The following SOX4 variants were observed in gnomAD, a reference collection of about 807,000 sequenced individuals.
The protein encoded by SOX4 is SRY-box transcription factor 4.
For missense variants in SOX4, 662 were observed against 694.9 expected, an observed-to-expected ratio of 0.95 and a Z score of 0.53; for synonymous variants, 465 against 348.4, an observed-to-expected ratio of 1.33 and a Z score of -3.73.
Position 21,598,589 on chromosome 6 carries a change from GAAAT to G in SOX4, c.*2634_*2637del, listed in dbSNP as rs1763221699. The G allele has an allele frequency of 1.2e-5, 2 of 166,610 alleles. No homozygotes were observed. Among genetic ancestry groups the G allele is most frequent in the Non-Finnish European group, 2.9e-5 (2 of 68,094 alleles). 10.3% of individuals were successfully genotyped at this position (166,610 alleles called of 1,614,324 possible). On this transcript the variant is annotated 3_prime_UTR_variant, in exon 1 of 1. Transcript: ENST00000244745. ...TCTGTAAATAACTTTTTTTGAGAAG[GAAAT>G]AAAATCAGCTGGAACTGAACCCTAA...
chr6:21,595,724 C>T lies in SOX4; in HGVS notation c.1190C>T (p.Ser397Phe). The change falls in exon 1 of 1, where the codon TCC becomes TTC. Residue 397 changes from serine to phenylalanine, a missense_variant. Ser to Phe is a radical substitution (Grantham distance 155). Coordinates refer to ENST00000244745, the MANE Select transcript of SOX4 (RefSeq NM_003107.3). ...SSSSSSGSSS[S>F]DDEFEDDLLD... ...TCCTCCTCCTCGGGCTCCTCGTCCTCCGACGACGAGTTCGAAGACGACCTG... is the reference window on the plus strand; with the variant it reads ...TCCTCCTCCTCGGGCTCCTCGTCCTTCGACGACGAGTTCGAAGACGACCTG... 6.2e-7 allele frequency: 1 copy of T among 1,610,900 alleles called. No individual in the cohort carries two copies. Among genetic ancestry groups the T allele is most frequent in the Non-Finnish European group, 8.5e-7 (1 of 1,178,998 alleles).
In SOX4 at chr6:21,595,482, C is replaced by T. The variant is rs1481876508; in HGVS notation, c.948C>T (p.Ala316=). 1 of 1,426,130 alleles carries T rather than the reference C, an allele frequency of 7.0e-7. No homozygotes were observed. Among genetic ancestry groups the T allele is most frequent in the African/African-American group, 1.5e-5 (1 of 67,882 alleles). The allele number at this position is 1,426,130 out of a possible 1,614,324, so 88.3% of individuals were successfully genotyped here. ...SSPVGGVGAG[A]DPSDPLGLYE... ...CCGTGGGCGGCGTGGGCGCGGGAGC[C>T]GACCCCAGCGACCCCCTGGGCCTGT... Residue 316 remains alanine (A), a synonymous_variant, in exon 1 of 1, where the codon GCC becomes GCT. Transcript: ENST00000244745.
At position 21,597,641 on chromosome 6, in the gene SOX4, T is replaced by C. The variant is rs1213040851; in HGVS notation, c.*1682T>C. The C allele has an allele frequency of 6.2e-6, 1 of 162,232 alleles. No individual in the cohort carries two copies. The highest frequency in any genetic ancestry group is 1.5e-5 in the Non-Finnish European group (1 of 65,120). The allele number at this position is 162,232 out of a possible 1,614,324, so 10.0% of individuals were successfully genotyped here. A position where few individuals can be genotyped will look rare whatever the true frequency, so the allele number is the denominator to read the frequency against. On this transcript the variant is annotated 3_prime_UTR_variant, in exon 1 of 1. Transcript: ENST00000244745. ...ATTTAAATGTAGACTTTTGACACTT[T>C]TAAAAAACAAAAAAAGACAAGAGAG... is the stretch of plus-strand genomic sequence containing the variant.
Position 21,594,495 on chromosome 6 carries a change from G to A in SOX4, c.-40G>A. On this transcript the variant is annotated 5_prime_UTR_variant, in exon 1 of 1. Coordinates refer to ENST00000244745, the MANE Select transcript of SOX4 (RefSeq NM_003107.3). Reference sequence around the variant, plus strand: ...CCGGCGATCGCGCGGCGGCCGCCGCGAGGGTGTGAGCGCGCGTGGGCGCCC... The same window carrying A: ...CCGGCGATCGCGCGGCGGCCGCCGCAAGGGTGTGAGCGCGCGTGGGCGCCC... 5.0e-6 allele frequency: 7 copies of A among 1,393,026 alleles called. No individual in the cohort carries two copies. The highest frequency in any genetic ancestry group is 4.6e-6 in the Non-Finnish European group (5 of 1,082,928). The allele number at this position is 1,393,026 out of a possible 1,614,324, so 86.3% of individuals were successfully genotyped here. A position where few individuals can be genotyped will look rare whatever the true frequency, so the allele number is the denominator to read the frequency against.
In SOX4 at chr6:21,598,112, G is replaced by A. The variant is rs1763210634; in HGVS notation, c.*2153G>A. 6.0e-6 allele frequency: 1 copy of A among 166,702 alleles called. No homozygotes were observed. The highest frequency in any genetic ancestry group is 2.4e-5 in the African/African-American group (1 of 41,400). 10.3% of individuals were successfully genotyped at this position (166,702 alleles called of 1,614,324 possible). On this transcript the variant is annotated 3_prime_UTR_variant, in exon 1 of 1. Coordinates refer to ENST00000244745, the MANE Select transcript of SOX4 (RefSeq NM_003107.3). ...TTTAAACCACTGGATCTATCTAAAT[G>A]CCGATTTGAGTTCGCGACACTATGT...
chr6:21,595,282 C>G lies in SOX4; in HGVS notation c.748C>G (p.Leu250Val), dbSNP rs1253090043. The G allele has an allele frequency of 7.1e-7, 1 of 1,406,454 alleles. No homozygotes were observed. The highest frequency in any genetic ancestry group is 1.5e-5 in the South Asian group (1 of 68,944). 87.1% of individuals were successfully genotyped at this position (1,406,454 alleles called of 1,614,324 possible). The stretch of plus-strand genomic sequence containing the variant: ...GGCGGGGGCCGCCGCCCTGCTGCCC[C>G]TGGGCGCCGCCGCCGACCACCACTC... ...EQAGAAALLP[L>V]GAAADHHSLY... Residue 250 changes from leucine (L) to valine (V), a missense_variant, in exon 1 of 1, where the codon CTG becomes GTG. Coordinates refer to ENST00000244745, the MANE Select transcript of SOX4 (RefSeq NM_003107.3).
rs753093855 is a variant in SOX4, at chr6:21,594,664, G to T, written c.130G>T (p.Gly44Cys). 1.2e-6 allele frequency: 2 copies of T among 1,601,272 alleles called. No individual in the cohort carries two copies. The highest frequency in any genetic ancestry group is 1.7e-6 in the Non-Finnish European group (2 of 1,174,672). Reference sequence around the variant, plus strand: ...GCCCGGCTCCACCGCCTCCACGGGCGGCAAGGCCGACGACCCGAGCTGGTG... The same window carrying T: ...GCCCGGCTCCACCGCCTCCACGGGCTGCAAGGCCGACGACCCGAGCTGGTG... ...PTPGSTASTG[G>C]KADDPSWCKT... is the part of the protein sequence containing the mutation. Residue 44 changes from glycine (G) to cysteine (C), a missense_variant, in exon 1 of 1, where the codon GGC becomes TGC. Physicochemically the swap from Gly to Cys is radical, Grantham distance 159. Transcript: ENST00000244745.
At position 21,594,575 on chromosome 6, in the gene SOX4, T is replaced by A; in HGVS notation, c.41T>A (p.Leu14Gln). The A allele has an allele frequency of 6.2e-7, 1 of 1,608,734 alleles. No individual in the cohort carries two copies. The highest frequency in any genetic ancestry group is 8.5e-7 in the Non-Finnish European group (1 of 1,178,710). ...AACAATGCCGAGAACACGGAAGCGC[T>A]GCTGGCCGGCGAGAGCTCGGACTCG... The part of the protein sequence containing the change: ...QTNNAENTEA[L>Q]LAGESSDSGA... The change falls in exon 1 of 1, where the codon CTG becomes CAG. Residue 14 changes from leucine to glutamine, a missense_variant. Coordinates refer to ENST00000244745, the MANE Select transcript of SOX4 (RefSeq NM_003107.3).
Position 21,594,729 on chromosome 6 carries a change from C to G in SOX4, c.195C>G (p.Ala65=), listed in dbSNP as rs144047729. Residue 65 remains alanine, a synonymous_variant, in exon 1 of 1, where the codon GCC becomes GCG. Coordinates refer to ENST00000244745, the MANE Select transcript of SOX4 (RefSeq NM_003107.3). Reference sequence around the variant, plus strand: ...GGCACATCAAGCGACCCATGAACGCCTTCATGGTGTGGTCGCAGATCGAGC... The same window carrying G: ...GGCACATCAAGCGACCCATGAACGCGTTCATGGTGTGGTCGCAGATCGAGC... ...PSGHIKRPMN[A]FMVWSQIERR... The G allele has an allele frequency of 5.6e-6, 9 of 1,595,786 alleles. No individual in the cohort carries two copies. The Admixed American group carries it at 1.6e-4, about 28-fold the overall frequency.
At position 21,594,273 on chromosome 6, in the gene SOX4, G is replaced by C. The variant is rs897872228; in HGVS notation, c.-262G>C. The C allele has an allele frequency of 2.7e-6, 1 of 369,318 alleles. No homozygotes were observed. The highest frequency in any genetic ancestry group is 4.7e-6 in the Non-Finnish European group (1 of 210,948). 22.9% of individuals were successfully genotyped at this position (369,318 alleles called of 1,614,324 possible). On this transcript the variant is annotated 5_prime_UTR_variant, in exon 1 of 1. Transcript: ENST00000244745. ...GCAAACTGCAGCGCGGTGAGAGAGC[G>C]AGAGAGAGGGAGAGAGAGACTCTCC...
rs1317151191 is a variant in SOX4 at position 21,597,434 on chromosome 6, T to C, written c.*1475T>C. On this transcript the variant is annotated 3_prime_UTR_variant, in exon 1 of 1. Transcript: ENST00000244745. The stretch of plus-strand genomic sequence containing the variant: ...GACGTATTTATACTGGCCAAACATA[T>C]TTTTTCTTTTGTCCCTTTTTTTCTT... 6 of 166,090 alleles carry C rather than the reference T, an allele frequency of 3.6e-5. No individual in the cohort carries two copies. The highest frequency in any genetic ancestry group is 1.4e-4 in the African/African-American group (6 of 41,416). The allele number at this position is 166,090 out of a possible 1,614,324, so 10.3% of individuals were successfully genotyped here.
rs1333512112 is a variant in SOX4, at chr6:21,597,171, T to C, written c.*1212T>C. The C allele has an allele frequency of 1.8e-5, 3 of 166,768 alleles. No individual in the cohort carries two copies. Among genetic ancestry groups the C allele is most frequent in the Non-Finnish European group, 4.4e-5 (3 of 68,106 alleles). 10.3% of individuals were successfully genotyped at this position (166,768 alleles called of 1,614,324 possible). On this transcript the variant is annotated 3_prime_UTR_variant, in exon 1 of 1. Transcript: ENST00000244745. ...AAAAGCAGATAGATGGCGCTATGTT[T>C]GATTCCTACAACGAAATTATCACCA... is the stretch of plus-strand genomic sequence containing the variant.
chr6:21,595,294 G>T lies in SOX4; in HGVS notation c.760G>T (p.Ala254Ser). The change falls in exon 1 of 1, where the codon GCC (alanine) becomes TCC (serine). Residue 254 changes from alanine (A) to serine (S), a missense_variant. Transcript: ENST00000244745. ...CGCCCTGCTGCCCCTGGGCGCCGCCGCCGACCACCACTCGCTGTACAAGGC... is the reference window on the plus strand; with the variant it reads ...CGCCCTGCTGCCCCTGGGCGCCGCCTCCGACCACCACTCGCTGTACAAGGC... ...AAALLPLGAAADHHSLYKART... is the reference protein window; with the variant it reads ...AAALLPLGAASDHHSLYKART... 7.0e-7 allele frequency: 1 copy of T among 1,424,032 alleles called. No homozygotes were observed. Among genetic ancestry groups the T allele is most frequent in the Non-Finnish European group, 9.2e-7 (1 of 1,088,790 alleles). The allele number at this position is 1,424,032 out of a possible 1,614,324, so 88.2% of individuals were successfully genotyped here. A position where few individuals can be genotyped will look rare whatever the true frequency, so the allele number is the denominator to read the frequency against.
In SOX4 at chr6:21,597,874, G is replaced by C. The variant is rs1308694111; in HGVS notation, c.*1915G>C. ...TTAAAGTGACAGTATCCCTTAACCT[G>C]CCACCAGTGTCCACCCTCCGGCCCC... On this transcript the variant is annotated 3_prime_UTR_variant, in exon 1 of 1. Coordinates refer to ENST00000244745, the MANE Select transcript of SOX4 (RefSeq NM_003107.3). 6.0e-6 allele frequency: 1 copy of C among 166,952 alleles called. No homozygotes were observed. The highest frequency in any genetic ancestry group is 1.5e-5 in the Non-Finnish European group (1 of 68,110). The allele number at this position is 166,952 out of a possible 1,614,324, so 10.3% of individuals were successfully genotyped here.
rs760659319 is a variant in SOX4 at position 21,594,306 on chromosome 6, G to A, written c.-229G>A. 1.8e-5 allele frequency: 8 copies of A among 433,556 alleles called. No homozygotes were observed. The highest frequency in any genetic ancestry group is 1.4e-4 in the African/African-American group (7 of 48,296). 26.9% of individuals were successfully genotyped at this position (433,556 alleles called of 1,614,324 possible). On this transcript the variant is annotated 5_prime_UTR_variant, in exon 1 of 1. Coordinates refer to ENST00000244745, the MANE Select transcript of SOX4 (RefSeq NM_003107.3). ...GGGAGAGAGAGACTCTCCAGCCTGGGAACTATAACTCCTCTGCGAGAGGCG... is the reference window on the plus strand; with the variant it reads ...GGGAGAGAGAGACTCTCCAGCCTGGAAACTATAACTCCTCTGCGAGAGGCG...
rs1306436038 is a variant in SOX4, at chr6:21,594,147, GC to G, written c.-386del. The G allele has an allele frequency of 2.8e-5, 5 of 178,036 alleles. No individual in the cohort carries two copies. Among genetic ancestry groups the G allele is most frequent in the Non-Finnish European group, 5.8e-5 (5 of 86,380 alleles). The allele number at this position is 178,036 out of a possible 1,614,324, so 11.0% of individuals were successfully genotyped here. A position where few individuals can be genotyped will look rare whatever the true frequency, so the allele number is the denominator to read the frequency against. The stretch of plus-strand genomic sequence containing the variant: ...AAAGAAAAAAAAAAAAAAAAGACTT[GC>G]CTGGGAGGCCGCGAGAAACTTGCAT... On this transcript the variant is annotated 5_prime_UTR_variant, in exon 1 of 1. Transcript: ENST00000244745.
chr6:21,595,482 C>A lies in SOX4; in HGVS notation c.948C>A (p.Ala316=). 1 of 1,426,130 alleles carries A rather than the reference C, an allele frequency of 7.0e-7. No individual in the cohort carries two copies. Among genetic ancestry groups the A allele is most frequent in the South Asian group, 1.5e-5 (1 of 68,584 alleles). The allele number at this position is 1,426,130 out of a possible 1,614,324, so 88.3% of individuals were successfully genotyped here. A position where few individuals can be genotyped will look rare whatever the true frequency, so the allele number is the denominator to read the frequency against. Residue 316 remains alanine (A), a synonymous_variant, in exon 1 of 1, where the codon GCC becomes GCA. Coordinates refer to ENST00000244745, the MANE Select transcript of SOX4 (RefSeq NM_003107.3). ...CCGTGGGCGGCGTGGGCGCGGGAGC[C>A]GACCCCAGCGACCCCCTGGGCCTGT... is the stretch of plus-strand genomic sequence containing the variant. ...SSPVGGVGAG[A]DPSDPLGLYE... is the part of the protein sequence containing the mutation.
In SOX4 at chr6:21,595,686, C is replaced by T. The variant is rs764465263; in HGVS notation, c.1152C>T (p.Ser384=). ...APSHASSSAS[S]HSSSSSSSGS... ...CGCACGCGTCCTCCTCGGCCTCGTC[C>T]CACTCCTCCTCTTCCTCCTCCTCGG... The change falls in exon 1 of 1, where the codon TCC becomes TCT. Residue 384 remains serine, a synonymous_variant. Transcript: ENST00000244745. 24 of 1,584,120 alleles carry T rather than the reference C, an allele frequency of 1.5e-5. No individual in the cohort carries two copies. The highest frequency in any genetic ancestry group is 4.1e-5 in the African/African-American group (3 of 74,074).
At position 21,596,569 on chromosome 6, in the gene SOX4, G is replaced by A. The variant is rs192477325; in HGVS notation, c.*610G>A. The A allele has an allele frequency of 4.1e-4, 68 of 167,194 alleles. No individual in the cohort carries two copies. In the East Asian group the frequency reaches 0.011, roughly 26 times the overall value. The allele number at this position is 167,194 out of a possible 1,614,324, so 10.4% of individuals were successfully genotyped here. The stretch of plus-strand genomic sequence containing the variant: ...ATGGCAGATGTTTTGGGGGAACGCC[G>A]GGACTGAGAGACTCCACGCAGGCGA... On this transcript the variant is annotated 3_prime_UTR_variant, in exon 1 of 1. Transcript: ENST00000244745.
Sources: allele counts gnomAD v4.1 joint callset, GRCh38; gene constraint gnomAD v4.1.1; transcripts MANE v1.5; gene names NCBI Gene and HGNC (gene_info 2026-07-23, HGNC 2026-07-21).